TBL1XR1: variants seen among roughly 807,000 people sequenced by gnomAD.
The protein encoded by TBL1XR1 is F-box-like/WD repeat-containing protein TBL1XR1.
In TBL1XR1, 5 loss-of-function variants were observed where a neutral mutation model predicts 66.9. The ratio of observed to expected loss-of-function variants is 0.07; its 90% confidence interval spans 0.04 to 0.16. The LOEUF (loss-of-function observed/expected upper bound fraction) is 0.16, where lower values mean the gene tolerates loss of function less well. Among genes scored for constraint, TBL1XR1 ranks in the 10% least tolerant of loss-of-function variants. The pLI is 1.00. For missense variants in TBL1XR1, 238 were observed against 623.2 expected, an observed-to-expected ratio of 0.38 and a Z score of 6.58; for synonymous variants, 210 against 206.0, an observed-to-expected ratio of 1.02 and a Z score of -0.17.
chr3:177,174,003 A>G lies in TBL1XR1; in HGVS notation c.-122+23118T>C, dbSNP rs180933176. On this transcript the variant is annotated intron_variant, in intron 1 of 15. Coordinates refer to ENST00000457928, the MANE Select transcript of TBL1XR1 (RefSeq NM_024665.7). ...TGTCAAAATATATGAAAAAGGGACT[A>G]ATCCGAAATTCAAAAATTACACCCA... 1.5e-4 allele frequency among the ~76,000 whole-genome samples: 23 copies of G among 152,336 alleles called. No individual in the cohort carries two copies. In the East Asian group the frequency reaches 4.4e-3, roughly 29 times the overall value.
intron 1 of TBL1XR1, among the ~76,000 whole-genome samples, chr3:177,160,113 G>C (rs1350929707): frequency 6.6e-6 from 1 of 152,058 alleles, no homozygotes; most frequent in Non-Finnish European, 1.5e-5. Flanking sequence ...TTCTCAAGAA[G>C]CTCAAATAAC....
chr3:177,179,869 T>C (rs558418233), intron 1 of TBL1XR1, among the ~76,000 whole-genome samples: 2 of 152,158 alleles, frequency 1.3e-5, no homozygotes, highest in South Asian at 2.1e-4. Context: ...CTAGATAAAA[T>C]GAGGCAGCTA....
chr3:177,198,680 G>T (rs1737236864), upstream of TBL1XR1, among the ~76,000 whole-genome samples: 1 of 152,146 alleles, frequency 6.6e-6, no homozygotes, highest in African/African-American at 2.4e-5. Context: ...TTTACATTAA[G>T]ATACGACTTG....
At chr3:177,047,271 T>A (rs371030950) in intron 9 of TBL1XR1, 29 bp downstream of exon 9, 13 of 1,507,736 alleles carry the variant, frequency 8.6e-6, no homozygotes, top group African/African-American at 7.0e-5. Flanking sequence ...GTAATACATT[T>A]GCCTTTACAG....
At chr3:177,198,477 C>T, upstream of TBL1XR1, among the ~76,000 whole-genome samples, 1 of 152,104 alleles carries the variant, frequency 6.6e-6, no homozygotes, top group East Asian at 1.9e-4. Flanking sequence ...CACAGCAAGG[C>T]GGTTTATAAA....
intron 1 of TBL1XR1, among the ~76,000 whole-genome samples, chr3:177,177,080 C>A (rs760213625): frequency 3.9e-5 from 6 of 152,196 alleles, no homozygotes; most frequent in African/African-American, 1.2e-4. Flanking sequence ...TGACTCAATG[C>A]TCTTCCCAAT....
intron 1 of TBL1XR1, among the ~76,000 whole-genome samples, chr3:177,116,741 T>C (rs147216591): frequency 2.0e-4 from 31 of 152,340 alleles, no homozygotes; most frequent in Non-Finnish European, 3.5e-4. Context: ...AAGATTGTAA[T>C]GGTATCTTCT....
chr3:177,151,801 A>T (rs1730920880), intron 1 of TBL1XR1, among the ~76,000 whole-genome samples: 1 of 152,170 alleles, frequency 6.6e-6, no homozygotes, highest in South Asian at 2.1e-4. Flanking sequence ...AAGGCAGCAG[A>T]TCACCTGAGT....
At chr3:177,075,524 T>G (rs1364767400) in intron 2 of TBL1XR1, among the ~76,000 whole-genome samples, 1 of 152,228 alleles carries the variant, frequency 6.6e-6, no homozygotes, top group African/African-American at 2.4e-5. Flanking sequence ...CTAATCAGTA[T>G]AGTGTGGTTC....
chr3:177,049,223 G>C (rs553086477), intron 7 of TBL1XR1, among the ~76,000 whole-genome samples: 5 of 152,214 alleles, frequency 3.3e-5, no homozygotes, highest in East Asian at 1.9e-4. Context: ...GTCCACAAAG[G>C]GTTGTTAAAC....
intron 1 of TBL1XR1, among the ~76,000 whole-genome samples, chr3:177,144,505 G>C (rs1462482977): frequency 6.6e-6 from 1 of 151,920 alleles, no homozygotes; most frequent in East Asian, 1.9e-4. Flanking sequence ...TGTAATCCCA[G>C]CACTTTGGGA....
chr3:177,133,876 C>CAAAAAAAAAAAAAAAAAAAAAAAAAAA (rs541940840), intron 1 of TBL1XR1, among the ~76,000 whole-genome samples: 1 of 105,748 alleles, frequency 9.5e-6, no homozygotes, highest in Non-Finnish European at 1.9e-5. Context: ...ACTCCTATCT[C>CAAAAAAAAAAAAAAAAAAAAAAAAAAA]AAAAAAAAAA....
At chr3:177,097,065 T>C (rs894075423) in intron 2 of TBL1XR1, among the ~76,000 whole-genome samples, 1 of 152,200 alleles carries the variant, frequency 6.6e-6, no homozygotes, top group African/African-American at 2.4e-5. Context: ...ATCAACATAC[T>C]GAAAAAAATC....
chr3:177,078,003 C>T (rs1050796310), intron 2 of TBL1XR1, among the ~76,000 whole-genome samples: 3 of 152,140 alleles, frequency 2.0e-5, no homozygotes, highest in Non-Finnish European at 2.9e-5. Flanking sequence ...AGAATAAAAC[C>T]TAATCTATAC....
chr3:177,157,468 T>C (rs547894137), intron 1 of TBL1XR1, among the ~76,000 whole-genome samples: 1 of 152,344 alleles, frequency 6.6e-6, no homozygotes, highest in East Asian at 1.9e-4. Flanking sequence ...TATAAAATTC[T>C]GAATTTAACA....
chr3:177,180,039 C>T (rs1734616430), intron 1 of TBL1XR1, among the ~76,000 whole-genome samples: 1 of 151,926 alleles, frequency 6.6e-6, no homozygotes, highest in Admixed American at 6.6e-5. Flanking sequence ...GAGATCGAGA[C>T]CATCCTGGCC....
chr3:177,051,744 T>C lies in TBL1XR1; in HGVS notation c.205-18A>G, dbSNP rs777602294. ...GTACCATCCTGGATTTGGAAAATTGTGAGAGAAGAAAAATCAAAGGCAATA... is the reference window on the plus strand; with the variant it reads ...GTACCATCCTGGATTTGGAAAATTGCGAGAGAAGAAAAATCAAAGGCAATA... On this transcript the variant is annotated intron_variant, in intron 4 of 15. Transcript: ENST00000457928. 3 of 1,517,282 alleles carry C rather than the reference T, an allele frequency of 2.0e-6. No individual in the cohort carries two copies. The highest frequency in any genetic ancestry group is 1.8e-6 in the Non-Finnish European group (2 of 1,126,918). The allele number at this position is 1,517,282 out of a possible 1,614,324, so 94.0% of individuals were successfully genotyped here. A position where few individuals can be genotyped will look rare whatever the true frequency, so the allele number is the denominator to read the frequency against.
intron 2 of TBL1XR1, among the ~76,000 whole-genome samples, chr3:177,075,145 C>G (rs190708222): frequency 6.6e-6 from 1 of 152,238 alleles, no homozygotes; most frequent in Non-Finnish European, 1.5e-5. Flanking sequence ...GGCAGTGCCA[C>G]GATCCCTCCA....
chr3:177,121,487 C>T (rs576885535), intron 1 of TBL1XR1, among the ~76,000 whole-genome samples: 11 of 152,286 alleles, frequency 7.2e-5, no homozygotes, highest in African/African-American at 2.6e-4. Context: ...TTTGACTTCA[C>T]ACGCATCTTT....
Sources: allele counts gnomAD v4.1 joint callset (sites outside exome capture counted in the v4.1 genomes callset), GRCh38; gene constraint gnomAD v4.1.1; transcripts MANE v1.5; gene names NCBI Gene and HGNC (gene_info 2026-07-23, HGNC 2026-07-21).